ITGA9: variants seen among roughly 807,000 people sequenced by gnomAD.
ITGA9 encodes integrin alpha-9.
Under a neutral mutation model 127.8 loss-of-function variants are expected in ITGA9, and 56 were observed. The ratio of observed to expected loss-of-function variants is 0.44; its 90% confidence interval spans 0.35 to 0.55. The LOEUF is 0.55. Among genes scored for constraint, ITGA9 ranks in the 20% least tolerant of loss-of-function variants. The pLI is 0.00. For missense variants in ITGA9, 1,196 were observed against 1,347.1 expected (o/e 0.89, Z 1.76); for synonymous variants, 508 against 514.5 (o/e 0.99, Z 0.17).
chr3:37,472,347 T>G (rs1203145231), intron 2 of ITGA9, among the ~76,000 whole-genome samples: 2 of 152,244 alleles, frequency 1.3e-5, no homozygotes, highest in Non-Finnish European at 2.9e-5. Flanking sequence ...CAAGCATTTC[T>G]TTCTCCAAAG....
intron 23 of ITGA9, among the ~76,000 whole-genome samples, chr3:37,752,785 T>C (rs911549370): frequency 6.6e-6 from 1 of 152,200 alleles, no homozygotes; most frequent in African/African-American, 2.4e-5. Flanking sequence ...AAGAGTCTTT[T>C]GTGTTTGCCC....
rs965117656 is a variant in ITGA9 at position 37,470,868 on chromosome 3, C to G, written c.186-139C>G. 2.4e-5 allele frequency: 20 copies of G among 838,992 alleles called. No individual in the cohort carries two copies. The East Asian group carries it at 3.0e-4, about 13-fold the overall frequency. 52.0% of individuals were successfully genotyped at this position (838,992 alleles called of 1,614,324 possible). A position where few individuals can be genotyped will look rare whatever the true frequency, so the allele number is the denominator to read the frequency against. ...TTCACTTTAGGACCTCTCCCCCAAG[C>G]CCACACAGAAAAGTATAATAATATG... On this transcript the variant is annotated intron_variant, in intron 1 of 27. Coordinates refer to ENST00000264741, the MANE Select transcript of ITGA9 (RefSeq NM_002207.3).
At chr3:37,707,926 A>AC (rs999252884) in intron 18 of ITGA9, among the ~76,000 whole-genome samples, 3 of 152,002 alleles carry the variant, frequency 2.0e-5, no homozygotes, top group Admixed American at 1.3e-4. Context: ...CATCATGGCT[A>AC]CCCCTTCCCG....
intron 6 of ITGA9, among the ~76,000 whole-genome samples, chr3:37,504,434 T>TGA (rs140559011): frequency 0.034 from 5,233 of 152,240 alleles, 275 homozygotes; most frequent in African/African-American, 0.12. Context: ...GTCTAAATGC[T>TGA]GAGCTGCCTT....
chr3:37,708,678 C>T (rs1701040035), intron 18 of ITGA9, among the ~76,000 whole-genome samples: 1 of 152,306 alleles, frequency 6.6e-6, no homozygotes, highest in Non-Finnish European at 1.5e-5. Flanking sequence ...GCTCCCCATA[C>T]AACAAAGAAT....
At chr3:37,459,931 T>G (rs1354686545) in intron 1 of ITGA9, among the ~76,000 whole-genome samples, 4 of 152,204 alleles carry the variant, frequency 2.6e-5, no homozygotes, top group African/African-American at 9.6e-5. Context: ...TTCTGTTTTC[T>G]GGAGATGTTT....
At chr3:37,591,474 A>G (rs1441811775) in intron 15 of ITGA9, among the ~76,000 whole-genome samples, 2 of 152,056 alleles carry the variant, frequency 1.3e-5, no homozygotes, top group Non-Finnish European at 2.9e-5. Flanking sequence ...TGGCTGCCAG[A>G]GTTGGGGAGC....
rs900104406 is a variant in ITGA9 at position 37,672,606 on chromosome 3, G to T, written c.1917-11259G>T. On this transcript the variant is annotated intron_variant, in intron 17 of 27. Transcript: ENST00000264741. ...GAAGGAGGACAGGGTCAGATAAGGT[G>T]GTAAGCTTTGAACAGAAGAAAGCGT... 6.2e-4 allele frequency among the ~76,000 whole-genome samples: 95 copies of T among 152,014 alleles called. 1 individual carries two copies. Among genetic ancestry groups the T allele is most frequent in the African/African-American group, 2.3e-3 (94 of 41,304 alleles).
chr3:37,554,887 A>G (rs1699415029), intron 15 of ITGA9, among the ~76,000 whole-genome samples: 1 of 152,122 alleles, frequency 6.6e-6, no homozygotes, highest in Non-Finnish European at 1.5e-5. Context: ...TAGATGTTTA[A>G]GTGTGTATGC....
At chr3:37,668,660 C>G (rs1700608071) in intron 17 of ITGA9, among the ~76,000 whole-genome samples, 1 of 152,172 alleles carries the variant, frequency 6.6e-6, no homozygotes, top group Non-Finnish European at 1.5e-5. Context: ...TCTGAAGCAG[C>G]GCAGTTGTTT....
intron 23 of ITGA9, among the ~76,000 whole-genome samples, chr3:37,773,046 C>T (rs998875944): frequency 8.5e-5 from 13 of 152,218 alleles, no homozygotes; most frequent in African/African-American, 3.1e-4. Flanking sequence ...TTTCCCAGCT[C>T]CCTGCCCCTC....
At chr3:37,793,125 T>C (rs1697131279) in intron 26 of ITGA9, among the ~76,000 whole-genome samples, 1 of 151,960 alleles carries the variant, frequency 6.6e-6, no homozygotes, top group African/African-American at 2.4e-5. Flanking sequence ...ATCATCATTA[T>C]TATTTTTAGG....
chr3:37,517,969 T>C (rs1699003490), intron 10 of ITGA9, among the ~76,000 whole-genome samples: 1 of 152,254 alleles, frequency 6.6e-6, no homozygotes, highest in South Asian at 2.1e-4. Context: ...TCCTTGTTTC[T>C]GAGCCTTTGA....
At chr3:37,545,304 G>A (rs1559533139) in intron 15 of ITGA9, among the ~76,000 whole-genome samples, 1 of 152,222 alleles carries the variant, frequency 6.6e-6, no homozygotes, top group Non-Finnish European at 1.5e-5. Context: ...ATGAGGGGCT[G>A]GGCCTGCTTT....
chr3:37,684,282 A>G (rs1369991416), intron 18 of ITGA9, among the ~76,000 whole-genome samples: 4 of 152,034 alleles, frequency 2.6e-5, no homozygotes, highest in Admixed American at 6.6e-5. Flanking sequence ...TCCTCTCCCT[A>G]TGGTTTTACA....
At chr3:37,692,843 C>G (rs2125668230) in intron 18 of ITGA9, among the ~76,000 whole-genome samples, 1 of 152,206 alleles carries the variant, frequency 6.6e-6, no homozygotes, top group Admixed American at 6.5e-5. Flanking sequence ...AGGCATCTGG[C>G]CCAAAGGGCT....
At chr3:37,588,452 G>A (rs1699781428) in intron 15 of ITGA9, among the ~76,000 whole-genome samples, 1 of 152,122 alleles carries the variant, frequency 6.6e-6, no homozygotes, top group African/African-American at 2.4e-5. Flanking sequence ...CTCAGGTAGG[G>A]TACACTCACT....
intron 18 of ITGA9, among the ~76,000 whole-genome samples, chr3:37,712,318 A>C (rs1236557614): frequency 6.7e-6 from 1 of 150,370 alleles, no homozygotes. Flanking sequence ...ATCCCCACCC[A>C]CCCTTTGGTG....
chr3:37,805,966 C>T (rs1374731340), intron 27 of ITGA9: 1 of 152,214 alleles, frequency 6.6e-6, no homozygotes, highest in Non-Finnish European at 1.5e-5. Context: ...AGCCACCCCG[C>T]CCGGCCTAAG....
Sources: allele counts gnomAD v4.1 joint callset (sites outside exome capture counted in the v4.1 genomes callset), GRCh38; gene constraint gnomAD v4.1.1; transcripts MANE v1.5; gene names NCBI Gene and HGNC (gene_info 2026-07-23, HGNC 2026-07-21).